Variants in SORCS3 observed in about 807,000 individuals in gnomAD.
SORCS3 encodes VPS10 domain-containing receptor SorCS3.
A neutral mutation model predicts 146.3 loss-of-function variants in SORCS3; 57 were observed. That is an observed-to-expected ratio of 0.39 (90% confidence interval 0.31 to 0.49). SORCS3 has a LOEUF of 0.49. SORCS3 is among the 20% of genes least tolerant of loss of function. The pLI is 0.92. For synonymous variants in SORCS3, 653 were observed against 618.5 expected, an observed-to-expected ratio of 1.06 and a Z score of -0.83; for missense variants, 1,341 against 1,575.5, an observed-to-expected ratio of 0.85 and a Z score of 2.52.
intron 1 of SORCS3, among the ~76,000 whole-genome samples, chr10:104,788,152 C>T (rs2017459176): frequency 6.6e-6 from 1 of 152,168 alleles, no homozygotes; most frequent in Admixed American, 6.6e-5. Flanking sequence ...AGGTAGGTTT[C>T]TGAGTCTAGG....
intron 1 of SORCS3, among the ~76,000 whole-genome samples, chr10:104,651,055 A>G (rs1034079452): frequency 6.6e-6 from 1 of 152,242 alleles, no homozygotes; most frequent in Admixed American, 6.5e-5. Flanking sequence ...GTGATTACAC[A>G]TAGTGGGGGA....
chr10:105,222,987 A>G (rs1564788633), intron 19 of SORCS3, 129 bp from the exon 20 acceptor site: 11 of 941,680 alleles, frequency 1.2e-5, no homozygotes, highest in South Asian at 2.0e-5. Flanking sequence ...CTCCCAATGT[A>G]TATGGTTTTG....
chr10:105,079,736 C>T (rs887988156), intron 5 of SORCS3, among the ~76,000 whole-genome samples: 10 of 152,170 alleles, frequency 6.6e-5, no homozygotes, highest in Non-Finnish European at 1.0e-4. Flanking sequence ...TCTCCACCCT[C>T]TGGTAGGCCC....
chr10:105,088,821 C>T (rs995955999), intron 5 of SORCS3, among the ~76,000 whole-genome samples: 1 of 152,198 alleles, frequency 6.6e-6, no homozygotes, highest in African/African-American at 2.4e-5. Context: ...TGGGTCTCAC[C>T]ATTTTCAATT....
chr10:104,901,473 G>T (rs1416755008), intron 2 of SORCS3, among the ~76,000 whole-genome samples: 1 of 152,138 alleles, frequency 6.6e-6, no homozygotes, highest in African/African-American at 2.4e-5. Context: ...GGTACTTATT[G>T]AGTTCCTGCA....
chr10:104,658,842 T>G (rs1199154425), intron 1 of SORCS3, among the ~76,000 whole-genome samples: 1 of 152,046 alleles, frequency 6.6e-6, no homozygotes, highest in African/African-American at 2.4e-5. Context: ...TTTTTTTGTC[T>G]TTTGTTTTTT....
intron 3 of SORCS3, among the ~76,000 whole-genome samples, chr10:104,936,060 A>G (rs1680146424): frequency 6.6e-6 from 1 of 152,032 alleles, no homozygotes; most frequent in Non-Finnish European, 1.5e-5. Context: ...GATAGAGTCC[A>G]GTATGACATT....
At chr10:104,688,584 G>A (rs2016076893) in intron 1 of SORCS3, among the ~76,000 whole-genome samples, 1 of 152,152 alleles carries the variant, frequency 6.6e-6, no homozygotes. Context: ...ACCCCTAATG[G>A]GTGGATTGTT....
intron 1 of SORCS3, among the ~76,000 whole-genome samples, chr10:104,804,275 G>A (rs977568291): frequency 2.0e-5 from 3 of 152,228 alleles, no homozygotes; most frequent in Non-Finnish European, 4.4e-5. Context: ...TGACCACTAA[G>A]TGGCCAAATT....
chr10:104,693,447 A>G (rs1279856997), intron 1 of SORCS3, among the ~76,000 whole-genome samples: 3 of 152,200 alleles, frequency 2.0e-5, no homozygotes, highest in Non-Finnish European at 4.4e-5. Flanking sequence ...TTATAAGCCA[A>G]CATACTTTGC....
chr10:105,001,520 A>T (rs974361222), intron 4 of SORCS3, among the ~76,000 whole-genome samples: 9 of 152,274 alleles, frequency 5.9e-5, no homozygotes, highest in South Asian at 2.1e-4. Flanking sequence ...ATGTTTTTTG[A>T]TGGTGATGTT....
At chr10:105,206,089 T>C (rs1436420492) in intron 16 of SORCS3, among the ~76,000 whole-genome samples, 4 of 152,132 alleles carry the variant, frequency 2.6e-5, no homozygotes, top group African/African-American at 4.8e-5. Flanking sequence ...CAGAGTAAGC[T>C]TGAGTACTCT....
intron 1 of SORCS3, among the ~76,000 whole-genome samples, chr10:104,681,624 G>T (rs1488646361): frequency 2.6e-5 from 4 of 152,128 alleles, no homozygotes; most frequent in Admixed American, 2.6e-4. Context: ...ATCACTAGGG[G>T]ATTGATCAGA....
intron 1 of SORCS3, among the ~76,000 whole-genome samples, chr10:104,680,927 A>C (rs996870640): frequency 2.0e-5 from 3 of 152,198 alleles, no homozygotes; most frequent in Admixed American, 6.5e-5. Flanking sequence ...CAGCCTTCAG[A>C]AGGAGCAGGA....
At chr10:105,225,239 A>G (rs2056727304) in intron 20 of SORCS3, among the ~76,000 whole-genome samples, 1 of 152,052 alleles carries the variant, frequency 6.6e-6, no homozygotes, top group South Asian at 2.1e-4. Flanking sequence ...TCTATGATCC[A>G]TTTTGAGATC....
chr10:105,185,867 T>C (rs1020809620), intron 14 of SORCS3, among the ~76,000 whole-genome samples: 2 of 152,226 alleles, frequency 1.3e-5, no homozygotes, highest in African/African-American at 2.4e-5. Flanking sequence ...TATCACTTTA[T>C]ATGTTTTCTA....
At chr10:104,877,227 A>G (rs923585569) in intron 2 of SORCS3, among the ~76,000 whole-genome samples, 5 of 152,062 alleles carry the variant, frequency 3.3e-5, no homozygotes, top group African/African-American at 1.2e-4. Context: ...TCCAGTCACC[A>G]TTATCCAGCA....
At chr10:104,906,681 C>G (rs1176801117) in intron 2 of SORCS3, among the ~76,000 whole-genome samples, 2 of 152,200 alleles carry the variant, frequency 1.3e-5, no homozygotes. Flanking sequence ...AATGAATCCT[C>G]TTGTGATTCT....
intron 1 of SORCS3, among the ~76,000 whole-genome samples, chr10:104,795,929 C>T (rs1013480199): frequency 6.6e-6 from 1 of 152,192 alleles, no homozygotes; most frequent in African/African-American, 2.4e-5. Flanking sequence ...ACTCTAGTTA[C>T]CAACTTTAGC....
Sources: allele counts gnomAD v4.1 joint callset (sites outside exome capture counted in the v4.1 genomes callset), GRCh38; gene constraint gnomAD v4.1.1; transcripts MANE v1.5; gene names NCBI Gene and HGNC (gene_info 2026-07-23, HGNC 2026-07-21).